Variants in TBXAS1 observed in about 807,000 individuals in gnomAD.
The protein encoded by TBXAS1 is thromboxane A synthase 1, also known as thromboxane-A synthase.
TBXAS1 carries 48 observed loss-of-function variants against 60.7 expected under a neutral mutation model. The observed-to-expected ratio is 0.79, with a 90% CI of 0.63 to 1.01. TBXAS1 has a LOEUF of 1.01. Ranked by LOEUF, TBXAS1 falls within the 50% of genes least tolerant of loss-of-function variation. The pLI, the probability that TBXAS1 is intolerant of heterozygous loss-of-function variation, is 0.00. For synonymous variants in TBXAS1, 287 were observed against 269.7 expected, an observed-to-expected ratio of 1.06 and a Z score of -0.63; for missense variants, 685 against 686.3, an observed-to-expected ratio of 1.00 and a Z score of 0.02.
intron 1 of TBXAS1, among the ~76,000 whole-genome samples, chr7:139,840,951 C>T (rs1444633895): frequency 6.6e-6 from 1 of 152,204 alleles, no homozygotes; most frequent in East Asian, 1.9e-4. Context: ...CCGATCTGGA[C>T]TCCGTGACTT....
intron 1 of TBXAS1, among the ~76,000 whole-genome samples, chr7:139,831,118 G>C (rs1798673089): frequency 6.6e-6 from 1 of 152,140 alleles, no homozygotes; most frequent in Non-Finnish European, 1.5e-5. Context: ...CTGTTAATGT[G>C]TGCCCAGTCT....
At chr7:139,868,003 G>A (rs1453845783) in intron 1 of TBXAS1, among the ~76,000 whole-genome samples, 1 of 152,166 alleles carries the variant, frequency 6.6e-6, no homozygotes, top group Non-Finnish European at 1.5e-5. Context: ...TTTGTGTCCT[G>A]TAGCGTTTAA....
At chr7:140,000,411 G>A (rs937329911) in intron 9 of TBXAS1, among the ~76,000 whole-genome samples, 1 of 152,172 alleles carries the variant, frequency 6.6e-6, no homozygotes, top group African/African-American at 2.4e-5. Context: ...TGGCGGCTGA[G>A]GCAGGAGGAT....
In TBXAS1 at chr7:140,007,193, G is replaced by A. The variant is rs766592859; in HGVS notation, c.1226+11G>A. 7.4e-6 allele frequency: 12 copies of A among 1,613,750 alleles called. No individual in the cohort carries two copies. Among genetic ancestry groups the A allele is most frequent in the Non-Finnish European group, 3.4e-6 (4 of 1,179,780 alleles). On this transcript the variant is annotated intron_variant, in intron 10 of 12. Transcript: ENST00000448866. The stretch of plus-strand genomic sequence containing the variant: ...CCCGCCAGCTTTCAGGTGTGTGGTA[G>A]CCCCCTCCCCTGCCCGAGTCCCCAC...
At position 139,829,446 on chromosome 7, in the gene TBXAS1, C is replaced by CCCAAGAGGG; in HGVS notation, c.58_59insAAGAGGGCC (p.Ala19_Leu20insGlnGluGly). On this transcript the variant is annotated inframe_insertion, in exon 1 of 13. Transcript: ENST00000448866. ...GTGAATGGCCCCATGGTGACGGTGG[C>CCCAAGAGGG]CCTGTCAGTGGCTCTCTTGGCCCTC... is the stretch of plus-strand genomic sequence containing the variant. 6.2e-7 allele frequency: 1 copy of CCCAAGAGGG among 1,613,976 alleles called. No individual in the cohort carries two copies. The highest frequency in any genetic ancestry group is 1.1e-5 in the South Asian group (1 of 91,002).
intron 9 of TBXAS1, among the ~76,000 whole-genome samples, chr7:140,006,785 T>C (rs984025165): frequency 6.6e-6 from 1 of 152,212 alleles, no homozygotes; most frequent in African/African-American, 2.4e-5. Context: ...ATGCTGCACT[T>C]GGTCGGCCAC....
At chr7:139,973,077 A>G (rs929843897) in intron 9 of TBXAS1, among the ~76,000 whole-genome samples, 2 of 151,986 alleles carry the variant, frequency 1.3e-5, no homozygotes, top group African/African-American at 4.8e-5. Context: ...TGGAGTCCCT[A>G]TAGTCCTACA....
intron 3 of TBXAS1, among the ~76,000 whole-genome samples, chr7:139,876,558 G>A (rs1802248585): frequency 6.6e-6 from 1 of 151,984 alleles, no homozygotes; most frequent in Admixed American, 6.6e-5. Context: ...GTGATTTGGG[G>A]GTCCTATCTC....
At chr7:139,827,040 A>G (rs993391851), upstream of TBXAS1, among the ~76,000 whole-genome samples, 2 of 152,132 alleles carry the variant, frequency 1.3e-5, no homozygotes, top group South Asian at 2.1e-4. Flanking sequence ...ACTTCTGCAG[A>G]GCATGAACCC....
intron 1 of TBXAS1, among the ~76,000 whole-genome samples, chr7:139,832,716 C>G (rs910731108): frequency 1.3e-5 from 2 of 152,184 alleles, no homozygotes; most frequent in Non-Finnish European, 2.9e-5. Flanking sequence ...GACAGAAGAA[C>G]CAGGTAACCT....
intron 3 of TBXAS1, among the ~76,000 whole-genome samples, chr7:139,880,404 A>G (rs897523279): frequency 4.6e-5 from 7 of 152,130 alleles, no homozygotes; most frequent in African/African-American, 1.7e-4. Flanking sequence ...GCATAACCTC[A>G]TATACTCCCA....
upstream of TBXAS1, among the ~76,000 whole-genome samples, chr7:139,827,662 G>A (rs938398616): frequency 4.6e-5 from 7 of 152,230 alleles, no homozygotes; most frequent in African/African-American, 1.4e-4. Context: ...ACCAGTTCTT[G>A]TAGTGGTGGC....
intron 3 of TBXAS1, among the ~76,000 whole-genome samples, chr7:139,901,310 A>G (rs1347137228): frequency 1.4e-5 from 2 of 144,982 alleles, no homozygotes; most frequent in Non-Finnish European, 1.5e-5. Flanking sequence ...TGTTTTTAGC[A>G]TTAGCAATAT....
chr7:139,827,795 C>T (rs986745717), upstream of TBXAS1, among the ~76,000 whole-genome samples: 13 of 152,052 alleles, frequency 8.5e-5, no homozygotes, highest in South Asian at 1.0e-3. Context: ...GTTGAGGAGC[C>T]GGAAGACAGG....
chr7:139,862,449 C>T lies in TBXAS1; in HGVS notation c.90-9786C>T, dbSNP rs192604029. 1.2e-3 allele frequency among the ~76,000 whole-genome samples: 182 copies of T among 152,214 alleles called. 1 individual carries two copies. The highest frequency in any genetic ancestry group is 6.8e-3 in the Middle Eastern group (2 of 294). On this transcript the variant is annotated intron_variant, in intron 1 of 12. Coordinates refer to ENST00000448866, the MANE Select transcript of TBXAS1 (RefSeq NM_001061.7). Reference sequence around the variant, plus strand: ...AAGTCATCAATGATCTTGACAAGGGCAGCCCCAAGGAAGCTGTGGGTACAG... The same window carrying T: ...AAGTCATCAATGATCTTGACAAGGGTAGCCCCAAGGAAGCTGTGGGTACAG...
At chr7:139,804,307 C>T (rs1469357443) in intron 4 of TBXAS1, among the ~76,000 whole-genome samples, 2 of 152,176 alleles carry the variant, frequency 1.3e-5, no homozygotes, top group Non-Finnish European at 2.9e-5. Flanking sequence ...TGTTTTATGG[C>T]CAATTTCTCC....
At chr7:139,887,954 CA>C (rs1260441528) in intron 3 of TBXAS1, among the ~76,000 whole-genome samples, 1 of 152,180 alleles carries the variant, frequency 6.6e-6, no homozygotes, top group Non-Finnish European at 1.5e-5. Flanking sequence ...TTCTTGTTTT[CA>C]AACCTTGAGA....
intron 4 of TBXAS1, chr7:139,914,022 C>G (rs1252586127): frequency 6.6e-6 from 1 of 151,614 alleles, no homozygotes; most frequent in Admixed American, 6.6e-5. Flanking sequence ...TGAGCTTGAG[C>G]ACATATCTTT....
At chr7:140,008,719 G>A (rs1169809267) in intron 10 of TBXAS1, among the ~76,000 whole-genome samples, 2 of 152,166 alleles carry the variant, frequency 1.3e-5, no homozygotes, top group Non-Finnish European at 2.9e-5. Context: ...AAAGTGCTGG[G>A]ATTACAGGCG....
Sources: allele counts gnomAD v4.1 joint callset (sites outside exome capture counted in the v4.1 genomes callset), GRCh38; gene constraint gnomAD v4.1.1; transcripts MANE v1.5; gene names NCBI Gene and HGNC (gene_info 2026-07-23, HGNC 2026-07-21).